The following SETD2 variants were observed in gnomAD, a reference collection of about 807,000 sequenced individuals.
SETD2 encodes SET domain containing 2, histone lysine methyltransferase.
A neutral mutation model predicts 242.1 loss-of-function variants in SETD2; 31 were observed. The observed-to-expected ratio is 0.13, with a 90% confidence interval of 0.10 to 0.17. The LOEUF is 0.17. Among genes scored for constraint, SETD2 ranks in the 10% least tolerant of loss-of-function variants. The pLI, the probability that SETD2 is intolerant of heterozygous loss-of-function variation, is 1.00. For synonymous variants in SETD2, 1,006 were observed against 1,066.5 expected (o/e 0.94, Z 1.11); for missense variants, 2,481 against 3,046.3 (o/e 0.81, Z 4.37).
intron 5 of SETD2, among the ~76,000 whole-genome samples, chr3:47,106,493 TAAAAAAAAAAAAAAAAAAAAAA>T (rs766455577): frequency 8.7e-5 from 5 of 57,260 alleles, no homozygotes; most frequent in Admixed American, 1.9e-4. Context: ...ATTTTTGCTC[TAAAAAAAAAAAAAAAAAAAAAA>T]AAAAAAAAAA....
chr3:47,021,265 A>G (rs1239204313), intron 18 of SETD2, among the ~76,000 whole-genome samples: 6 of 152,192 alleles, frequency 3.9e-5, no homozygotes, highest in African/African-American at 1.4e-4. Flanking sequence ...CTCAGAAGTC[A>G]GCAGCAACAG....
At chr3:47,152,416 T>C (rs2044007156) in intron 1 of SETD2, among the ~76,000 whole-genome samples, 1 of 152,228 alleles carries the variant, frequency 6.6e-6, no homozygotes, top group African/African-American at 2.4e-5. Flanking sequence ...GGTCTGTGTG[T>C]GCTCAAGGCC....
At chr3:47,154,280 G>A (rs746372830) in intron 1 of SETD2, among the ~76,000 whole-genome samples, 8 of 151,454 alleles carry the variant, frequency 5.3e-5, no homozygotes, top group Middle Eastern at 3.2e-3. Flanking sequence ...GTGGTGGTGC[G>A]CGCCTGTAGT....
At chr3:47,142,513 A>C (rs1234556845) in intron 1 of SETD2, among the ~76,000 whole-genome samples, 1 of 152,016 alleles carries the variant, frequency 6.6e-6, no homozygotes, top group African/African-American at 2.4e-5. Context: ...TAAGTTAATT[A>C]ATTAATTTAA....
intron 1 of SETD2, among the ~76,000 whole-genome samples, chr3:47,135,085 T>C (rs1209804607): frequency 6.6e-6 from 1 of 152,178 alleles, no homozygotes; most frequent in Non-Finnish European, 1.5e-5. Flanking sequence ...ACCAGGAATT[T>C]CATACTTACT....
intron 15 of SETD2, among the ~76,000 whole-genome samples, chr3:47,056,102 A>G (rs1350902127): frequency 1.4e-5 from 1 of 72,382 alleles, no homozygotes; most frequent in East Asian, 3.0e-4. Context: ...ATTTTTATTT[A>G]TTTATTTATT....
intron 15 of SETD2, among the ~76,000 whole-genome samples, chr3:47,050,973 T>C (rs2039816206): frequency 6.6e-6 from 1 of 151,922 alleles, no homozygotes. Context: ...CCTCAAGTGA[T>C]CCCCACACCT....
chr3:47,103,545 ACCAGTTAAGGTAG>A (rs1180958542), intron 6 of SETD2, 122 bp from the exon 7 acceptor site: 5 of 739,830 alleles, frequency 6.8e-6, no homozygotes, highest in Non-Finnish European at 9.0e-6. Context: ...GCGAAACCTA[ACCAGTTAAGGTAG>A]GGCAGTGAGG....
At chr3:47,093,583 C>T (rs1032248414) in intron 9 of SETD2, among the ~76,000 whole-genome samples, 1 of 152,024 alleles carries the variant, frequency 6.6e-6, no homozygotes, top group Non-Finnish European at 1.5e-5. Context: ...TGCGCCTGGC[C>T]CATTCTTATG....
intron 1 of SETD2, among the ~76,000 whole-genome samples, chr3:47,157,963 G>A (rs936237988): frequency 2.6e-5 from 4 of 151,830 alleles, no homozygotes; most frequent in African/African-American, 9.7e-5. Context: ...ATACTACCAT[G>A]ATCCCCACTT....
chr3:47,082,685 G>A (rs753485293), intron 12 of SETD2, among the ~76,000 whole-genome samples: 1 of 152,120 alleles, frequency 6.6e-6, no homozygotes, highest in Non-Finnish European at 1.5e-5. Flanking sequence ...GCTCAAATGG[G>A]TAAACAAAAG....
rs2107746294 is a variant in SETD2 at position 47,120,812 on chromosome 3, T to C, written c.3824A>G (p.Asp1275Gly). The C allele has an allele frequency of 6.2e-7, 1 of 1,614,224 alleles. No homozygotes were observed. The change falls in exon 3 of 21, where the codon GAC (aspartate) becomes GGC (glycine). Residue 1275 changes from aspartate to glycine, a missense_variant. Asp to Gly is a moderately conservative substitution (Grantham distance 94). Around this residue, in one of 17 missense-constraint regions of SETD2, gnomAD observed 1,300 missense variants for 1,259.2 expected, o/e 1.03. Coordinates refer to ENST00000409792, the MANE Select transcript of SETD2 (RefSeq NM_014159.7). Reference sequence around the variant, plus strand: ...TCCACCACAAGCTCCATAGCTACTGTCAGGTTGCTGATACGTGGTAGAAGG... The same window carrying C: ...TCCACCACAAGCTCCATAGCTACTGCCAGGTTGCTGATACGTGGTAGAAGG... ...EKPSTTYQQP[D>G]SSYGACGGHK...
chr3:47,053,458 T>C (rs956481527), intron 15 of SETD2, among the ~76,000 whole-genome samples: 7 of 152,240 alleles, frequency 4.6e-5, no homozygotes, highest in East Asian at 1.9e-4. Flanking sequence ...TTGTATAACT[T>C]TGTGAGAGTA....
intron 1 of SETD2, among the ~76,000 whole-genome samples, chr3:47,147,267 C>T (rs972551677): frequency 3.3e-5 from 5 of 151,864 alleles, no homozygotes; most frequent in African/African-American, 1.2e-4. Context: ...CCCTCCTCAG[C>T]CTCCCAAAGT....
chr3:47,056,102 A>T (rs1350902127), intron 15 of SETD2, among the ~76,000 whole-genome samples: 26 of 72,376 alleles, frequency 3.6e-4, no homozygotes, highest in Non-Finnish European at 2.7e-4. Context: ...ATTTTTATTT[A>T]TTTATTTATT....
intron 15 of SETD2, among the ~76,000 whole-genome samples, chr3:47,050,583 G>C (rs2039780357): frequency 6.6e-6 from 1 of 151,952 alleles, no homozygotes. Flanking sequence ...GAATATTTTG[G>C]ATTTTGACTT....
chr3:47,126,559 T>C, intron 2 of SETD2, 89 bp downstream of exon 2: 1 of 660,770 alleles, frequency 1.5e-6, no homozygotes, highest in Non-Finnish European at 2.6e-6. Flanking sequence ...ATAGCTACAT[T>C]TTGAGTGTTT....
intron 1 of SETD2, among the ~76,000 whole-genome samples, chr3:47,154,850 T>C (rs751870868): frequency 6.6e-6 from 1 of 151,936 alleles, no homozygotes; most frequent in Non-Finnish European, 1.5e-5. Flanking sequence ...AAAAATTAGC[T>C]GGGCGTGGTG....
At chr3:47,019,720 A>T in intron 19 of SETD2, 40 bp downstream of exon 19, 1 of 1,520,096 alleles carries the variant, frequency 6.6e-7, no homozygotes, top group Non-Finnish European at 9.1e-7. Flanking sequence ...GTTCAGATTT[A>T]AGCCTGAGGA....
Sources: gnomAD v4.1 joint callset for allele counts (sites outside exome capture counted in the v4.1 genomes callset) on GRCh38, gnomAD v4.1.1 for gene constraint, gnomAD v4.1.1 regional missense constraint, MANE v1.5 for transcripts, NCBI Gene and HGNC (gene_info 2026-07-23, HGNC 2026-07-21) for gene names.